The following RBFOX1 variants were observed in gnomAD, a reference collection of about 807,000 sequenced individuals.
RBFOX1 encodes the protein RNA binding protein fox-1 homolog 1.
RBFOX1 carries 8 observed loss-of-function variants against 57.7 expected under a neutral mutation model. The ratio of observed to expected loss-of-function variants is 0.14; its 90% CI spans 0.08 to 0.25. The LOEUF (loss-of-function observed/expected upper bound fraction) is 0.25. RBFOX1 is among the 10% of genes least tolerant of loss of function. RBFOX1 has a pLI of 1.00. For missense variants in RBFOX1, 611 were observed against 548.5 expected, an observed-to-expected ratio of 1.11 and a Z score of -1.14; for synonymous variants, 326 against 222.4, an observed-to-expected ratio of 1.47 and a Z score of -4.15.
chr16:5,908,070 G>GTGTGTGTGTGTA (rs531475482), intron 4 of RBFOX1, among the ~76,000 whole-genome samples: 23 of 129,038 alleles, frequency 1.8e-4, no homozygotes, highest in African/African-American at 6.3e-4. Context: ...ATGTGTGTAT[G>GTGTGTGTGTGTA]TATATATATA....
At chr16:7,465,972 C>T (rs933453799) in intron 4 of RBFOX1, among the ~76,000 whole-genome samples, 1 of 152,206 alleles carries the variant, frequency 6.6e-6, no homozygotes, top group Admixed American at 6.5e-5. Context: ...TGGAAGCAGA[C>T]ATCTCTCTAA....
chr16:7,299,777 C>G (rs1268130552), intron 4 of RBFOX1, among the ~76,000 whole-genome samples: 1 of 152,178 alleles, frequency 6.6e-6, no homozygotes, highest in African/African-American at 2.4e-5. Context: ...TCACCCCTAT[C>G]CCTAGTAGAT....
chr16:6,268,661 G>T (rs1056656713), intron 1 of RBFOX1, among the ~76,000 whole-genome samples: 2 of 152,154 alleles, frequency 1.3e-5, no homozygotes, highest in Admixed American at 6.5e-5. Flanking sequence ...AGGGTTTATG[G>T]CCTTGGGAAT....
intron 4 of RBFOX1, among the ~76,000 whole-genome samples, chr16:7,451,594 G>C (rs1487550473): frequency 1.3e-5 from 2 of 152,210 alleles, no homozygotes; most frequent in East Asian, 3.9e-4. Flanking sequence ...TAAATTCCTG[G>C]TGAGTTGCAA....
chr16:6,043,608 C>T (rs140176069), intron 1 of RBFOX1, among the ~76,000 whole-genome samples: 36 of 152,258 alleles, frequency 2.4e-4, no homozygotes, highest in African/African-American at 8.7e-4. Flanking sequence ...TGGCGATGGC[C>T]AGAAATTTCA....
intron 4 of RBFOX1, among the ~76,000 whole-genome samples, chr16:7,230,707 A>G (rs2093448792): frequency 6.6e-6 from 1 of 152,214 alleles, no homozygotes; most frequent in Non-Finnish European, 1.5e-5. Context: ...TGGAGTTGAA[A>G]GTGACCTTTA....
intron 4 of RBFOX1, among the ~76,000 whole-genome samples, chr16:7,256,010 T>C (rs1479731874): frequency 6.6e-6 from 1 of 152,224 alleles, no homozygotes; most frequent in Non-Finnish European, 1.5e-5. Context: ...TTTTGTCTTA[T>C]TTGCATTTCC....
At chr16:7,499,425 G>C (rs1192600855) in intron 4 of RBFOX1, among the ~76,000 whole-genome samples, 1 of 152,118 alleles carries the variant, frequency 6.6e-6, no homozygotes, top group Non-Finnish European at 1.5e-5. Context: ...TCCCAGATTA[G>C]GTTACATTCT....
intron 1 of RBFOX1, among the ~76,000 whole-genome samples, chr16:6,135,833 C>T (rs981321852): frequency 7.3e-4 from 88 of 119,880 alleles, no homozygotes; most frequent in African/African-American, 2.7e-3. Context: ...CTTGCTCTGT[C>T]GCCCAGGCTG....
rs1352797547 is a variant in RBFOX1 at position 6,323,562 on chromosome 16, T to G, written c.-64+6505T>G. The stretch of plus-strand genomic sequence containing the variant: ...CACACTCTTTGTACTTTCAAATTAT[T>G]CTTCTGTCATCCATGACTGCCGGTG... On this transcript the variant is annotated intron_variant, in intron 2 of 15. Coordinates refer to ENST00000550418, the MANE Select transcript of RBFOX1 (RefSeq NM_018723.4). Among the ~76,000 whole-genome samples, 3 of 152,192 alleles carry G rather than the reference T, an allele frequency of 2.0e-5. No homozygotes were observed. In the South Asian group the frequency reaches 6.2e-4, roughly 32 times the overall value.
intron 2 of RBFOX1, among the ~76,000 whole-genome samples, chr16:6,636,681 C>T (rs1172438241): frequency 1.3e-5 from 2 of 148,564 alleles, no homozygotes; most frequent in African/African-American, 4.9e-5. Context: ...ATCACATAAA[C>T]ATTTATATTC....
rs1229411585 is a variant in RBFOX1, at chr16:6,948,463, AC to A, written c.-15-103592del. On this transcript the variant is annotated intron_variant, in intron 3 of 15. Coordinates refer to ENST00000550418, the MANE Select transcript of RBFOX1 (RefSeq NM_018723.4). ...GTGCAGTTTATCTCGGCTCACTACA[AC>A]CTTTGCCTCCTTGGTTCAAGCGATT... 2.2e-5 allele frequency among the ~76,000 whole-genome samples: 3 copies of A among 138,846 alleles called. No homozygotes were observed. The East Asian group carries it at 6.3e-4, about 29-fold the overall frequency. 91.1% of individuals were successfully genotyped at this position (138,846 alleles called of 152,430 possible). A position where few individuals can be genotyped will look rare whatever the true frequency, so the allele number is the denominator to read the frequency against.
At chr16:7,705,334 A>G (rs747667001) in intron 14 of RBFOX1, among the ~76,000 whole-genome samples, 8 of 151,984 alleles carry the variant, frequency 5.3e-5, no homozygotes, top group Non-Finnish European at 1.2e-4. Flanking sequence ...GTGAAGCCCC[A>G]TATCTACTAA....
intron 1 of RBFOX1, among the ~76,000 whole-genome samples, chr16:5,247,324 T>C (rs1450191501): frequency 1.3e-5 from 2 of 152,222 alleles, no homozygotes; most frequent in African/African-American, 4.8e-5. Context: ...CTTTCTGTCC[T>C]GTTATCACAT....
intron 4 of RBFOX1, among the ~76,000 whole-genome samples, chr16:7,367,328 T>A (rs1406143035): frequency 2.6e-5 from 4 of 152,186 alleles, no homozygotes; most frequent in African/African-American, 7.2e-5. Flanking sequence ...TCTGAAGAAG[T>A]CCTGTCACAA....
In RBFOX1 at chr16:6,407,483, T is replaced by A. The variant is rs144476453; in HGVS notation, c.-64+90426T>A. On this transcript the variant is annotated intron_variant, in intron 2 of 15. Coordinates refer to ENST00000550418, the MANE Select transcript of RBFOX1 (RefSeq NM_018723.4). ...ATGTCTGTATTTATACACACACACA[T>A]ATATATAGAGAGAGGCAGAGACAGA... Among the ~76,000 whole-genome samples, 466 of 151,170 alleles carry A rather than the reference T, an allele frequency of 3.1e-3. 4 individuals are homozygous for A. The highest frequency in any genetic ancestry group is 9.4e-3 in the African/African-American group (383 of 40,960).
intron 5 of RBFOX1, among the ~76,000 whole-genome samples, chr16:7,562,200 C>T (rs2090545138): frequency 6.6e-6 from 1 of 152,188 alleles, no homozygotes. Flanking sequence ...TGCGGGATGT[C>T]ATGGCACAGA....
At chr16:6,450,305 G>C (rs2094563608) in intron 2 of RBFOX1, among the ~76,000 whole-genome samples, 1 of 152,146 alleles carries the variant, frequency 6.6e-6, no homozygotes, top group Non-Finnish European at 1.5e-5. Context: ...TAAAGAGAGT[G>C]GGTTAGTCAC....
intron 3 of RBFOX1, among the ~76,000 whole-genome samples, chr16:6,778,940 C>T (rs544050891): frequency 4.0e-5 from 6 of 151,776 alleles, no homozygotes; most frequent in Non-Finnish European, 7.4e-5. Context: ...TAAAAGCATA[C>T]AATGTGTAAT....
Sources: gnomAD v4.1 joint callset for allele counts (sites outside exome capture counted in the v4.1 genomes callset) on GRCh38, gnomAD v4.1.1 for gene constraint, MANE v1.5 for transcripts, NCBI Gene and HGNC (gene_info 2026-07-23, HGNC 2026-07-21) for gene names.